The following KANSL1L variants were observed in gnomAD, a reference collection of about 807,000 sequenced individuals.
KANSL1L encodes KAT8 regulatory NSL complex subunit 1 like.
A neutral mutation model predicts 108.6 loss-of-function variants in KANSL1L; 25 were observed. The ratio of observed to expected loss-of-function variants is 0.23; its 90% CI spans 0.17 to 0.32. The LOEUF is 0.32. Ranked by LOEUF, KANSL1L falls within the 10% of genes least tolerant of loss-of-function variation. The pLI, the probability that KANSL1L is intolerant of heterozygous loss-of-function variation, is 1.00. For missense variants in KANSL1L, 1,137 were observed against 1,125.7 expected (o/e 1.01, Z -0.14); for synonymous variants, 405 against 395.1 (o/e 1.03, Z -0.30).
chr2:210,042,715 C>T (rs2094178589), intron 7 of KANSL1L, among the ~76,000 whole-genome samples: 1 of 152,070 alleles, frequency 6.6e-6, no homozygotes, highest in Non-Finnish European at 1.5e-5. Flanking sequence ...TAAATGTTAG[C>T]TACATTATTA....
intron 5 of KANSL1L, among the ~76,000 whole-genome samples, chr2:210,082,140 T>C (rs2094595501): frequency 6.6e-6 from 1 of 152,162 alleles, no homozygotes; most frequent in Admixed American, 6.5e-5. Context: ...GTCAAATTTC[T>C]TGGATGGTTT....
chr2:210,090,564 G>T (rs996386373), intron 5 of KANSL1L, among the ~76,000 whole-genome samples: 5 of 152,224 alleles, frequency 3.3e-5, no homozygotes, highest in Non-Finnish European at 5.9e-5. Flanking sequence ...TTGAGACAGG[G>T]TCTCACTCTG....
intron 1 of KANSL1L, among the ~76,000 whole-genome samples, chr2:210,156,991 AAAAAAAAG>A (rs1322355989): frequency 6.6e-6 from 1 of 151,686 alleles, no homozygotes; most frequent in African/African-American, 2.4e-5. Flanking sequence ...TAAATGCAAA[AAAAAAAAG>A]AAAAAAAAGA....
chr2:210,051,725 T>G (rs1402366186), intron 6 of KANSL1L, among the ~76,000 whole-genome samples: 1 of 152,146 alleles, frequency 6.6e-6, no homozygotes, highest in African/African-American at 2.4e-5. Context: ...TTTTGTTAGC[T>G]GTTTTCCCTT....
chr2:210,055,712 T>C (rs2080158), intron 6 of KANSL1L, among the ~76,000 whole-genome samples: 149,346 of 152,248 alleles, frequency 0.98, 73,305 homozygotes, highest in Middle Eastern at 1. Flanking sequence ...AACATTTTAC[T>C]CCTGGCCAAG....
intron 3 of KANSL1L, among the ~76,000 whole-genome samples, chr2:210,122,337 C>T (rs934432034): frequency 6.6e-6 from 1 of 152,084 alleles, no homozygotes; most frequent in Non-Finnish European, 1.5e-5. Context: ...AAAATAGACA[C>T]ACAGACCAAC....
At chr2:210,083,011 G>T (rs2094602440) in intron 5 of KANSL1L, among the ~76,000 whole-genome samples, 1 of 152,118 alleles carries the variant, frequency 6.6e-6, no homozygotes, top group Non-Finnish European at 1.5e-5. Context: ...TTAAGATGAG[G>T]ACACACTGGA....
intron 2 of KANSL1L, among the ~76,000 whole-genome samples, chr2:210,145,214 G>A (rs2095257182): frequency 6.6e-6 from 1 of 152,206 alleles, no homozygotes; most frequent in Admixed American, 6.5e-5. Context: ...TGCCAGGAAA[G>A]TTGTGGCCAG....
chr2:210,027,189 G>C, intron 12 of KANSL1L, 107 bp downstream of exon 12: 1 of 676,366 alleles, frequency 1.5e-6, no homozygotes, highest in Non-Finnish European at 2.6e-6. Flanking sequence ...AAAAAAATCA[G>C]TGTAAGTTAA....
At chr2:210,029,689 CTGTT>C (rs67760231) in intron 10 of KANSL1L, 110 bp downstream of exon 10, 9,590 of 485,888 alleles carry the variant, frequency 0.02, 715 homozygotes, top group African/African-American at 0.17. Context: ...TTATAAATGT[CTGTT>C]AATATGTGCT....
chr2:210,028,805 G>T, intron 11 of KANSL1L, 40 bp downstream of exon 11: 1 of 1,409,056 alleles, frequency 7.1e-7, no homozygotes, highest in Non-Finnish European at 9.7e-7. Flanking sequence ...GTTTATTAGG[G>T]AAGGAAGGAA....
intron 5 of KANSL1L, among the ~76,000 whole-genome samples, chr2:210,076,241 G>T (rs1160096313): frequency 6.6e-6 from 1 of 152,074 alleles, no homozygotes; most frequent in Admixed American, 6.6e-5. Flanking sequence ...GAGTGCAGTG[G>T]TGCGATCTCG....
chr2:210,025,286 G>A, intron 12 of KANSL1L, 70 bp from the exon 13 acceptor site: 1 of 928,026 alleles, frequency 1.1e-6, no homozygotes, highest in South Asian at 1.3e-5. Context: ...GCTGGGCACG[G>A]TGGCTCACGC....
chr2:210,162,240 A>ATATATATATATATATG (rs1196823363), intron 1 of KANSL1L, among the ~76,000 whole-genome samples: 4 of 143,924 alleles, frequency 2.8e-5, no homozygotes, highest in African/African-American at 1.0e-4. Context: ...ATATATATAT[A>ATATATATATATATATG]TATGTATATC....
chr2:210,026,738 C>G (rs780675433), intron 12 of KANSL1L, among the ~76,000 whole-genome samples: 1 of 152,072 alleles, frequency 6.6e-6, no homozygotes, highest in Non-Finnish European at 1.5e-5. Context: ...TTCAGTATCT[C>G]AAAAACTCAT....
At chr2:210,069,789 C>T (rs1253516788) in intron 6 of KANSL1L, among the ~76,000 whole-genome samples, 5 of 41,972 alleles carry the variant, frequency 1.2e-4, no homozygotes, top group East Asian at 8.3e-4. Flanking sequence ...CCCTGACATT[C>T]TTTTTTTTTT....
chr2:210,117,781 A>C (rs2094968729), intron 3 of KANSL1L, among the ~76,000 whole-genome samples: 1 of 152,216 alleles, frequency 6.6e-6, no homozygotes, highest in Non-Finnish European at 1.5e-5. Context: ...GACTATTATG[A>C]AAAAGTATAA....
chr2:210,125,906 T>C (rs1452206084), intron 3 of KANSL1L, among the ~76,000 whole-genome samples: 2 of 152,138 alleles, frequency 1.3e-5, no homozygotes, highest in African/African-American at 2.4e-5. Context: ...ATTTCTCCTC[T>C]TAAGATCAGG....
intron 1 of KANSL1L, among the ~76,000 whole-genome samples, chr2:210,165,186 A>C (rs1442695839): frequency 2.1e-5 from 3 of 141,870 alleles, no homozygotes; most frequent in Non-Finnish European, 3.1e-5. Flanking sequence ...TAAAAAAAAA[A>C]CCAAAAAACA....
Sources: allele counts gnomAD v4.1 joint callset (sites outside exome capture counted in the v4.1 genomes callset), GRCh38; gene constraint gnomAD v4.1.1; transcripts MANE v1.5; gene names NCBI Gene and HGNC (gene_info 2026-07-23, HGNC 2026-07-21).